Variants in CPQ observed in about 807,000 individuals in gnomAD.
CPQ encodes the protein carboxypeptidase Q.
Under a neutral mutation model 45.7 loss-of-function variants are expected in CPQ, and 37 were observed. The ratio of observed to expected loss-of-function variants is 0.81; its 90% CI spans 0.62 to 1.07. The LOEUF is 1.07. Ranked by LOEUF, CPQ falls within the 50% of genes least tolerant of loss-of-function variation. The probability of loss-of-function intolerance (pLI) is 0.00; values close to 1 mark genes in which losing one functional copy is unlikely to be tolerated. For missense variants in CPQ, 537 were observed against 572.9 expected (o/e 0.94, Z 0.64); for synonymous variants, 186 against 205.8 (o/e 0.90, Z 0.82).
intron 1 of CPQ, among the ~76,000 whole-genome samples, chr8:96,683,864 G>C (rs1809187582): frequency 6.7e-6 from 1 of 149,650 alleles, no homozygotes; most frequent in African/African-American, 2.5e-5. Flanking sequence ...TTCATTTATT[G>C]AATTCATCAG....
chr8:96,907,419 A>ATTCAC (rs1812593408), intron 4 of CPQ, among the ~76,000 whole-genome samples: 1 of 152,156 alleles, frequency 6.6e-6, no homozygotes, highest in Non-Finnish European at 1.5e-5. Flanking sequence ...TAGTGAGCTT[A>ATTCAC]AAAACACCAG....
At chr8:96,837,877 G>A (rs1432917827) in intron 3 of CPQ, among the ~76,000 whole-genome samples, 1 of 151,876 alleles carries the variant, frequency 6.6e-6, no homozygotes, top group East Asian at 1.9e-4. Context: ...AGTCTCTTAG[G>A]TTCTGCTCCT....
chr8:96,782,668 A>G (rs1810704217), intron 1 of CPQ, among the ~76,000 whole-genome samples: 1 of 152,060 alleles, frequency 6.6e-6, no homozygotes, highest in African/African-American at 2.4e-5. Context: ...CAGGCTGTGA[A>G]TTTTCATAAT....
chr8:96,954,349 A>G lies in CPQ; in HGVS notation c.850-11586A>G, dbSNP rs190701365. The stretch of plus-strand genomic sequence containing the variant: ...TTTAACTGATTTAATGTATGATAAT[A>G]TAATCTAATGACAAGTCAAAATAAT... On this transcript the variant is annotated intron_variant, in intron 4 of 7. Transcript: ENST00000220763. Among the ~76,000 whole-genome samples, 747 of 152,286 alleles carry G rather than the reference A, an allele frequency of 4.9e-3. 5 individuals are homozygous for G. Among genetic ancestry groups the G allele is most frequent in the Middle Eastern group, 6.8e-3 (2 of 294 alleles).
At chr8:96,933,707 TG>T (rs1458482761) in intron 4 of CPQ, among the ~76,000 whole-genome samples, 2 of 152,166 alleles carry the variant, frequency 1.3e-5, no homozygotes, top group African/African-American at 4.8e-5. Context: ...ATACCCATGT[TG>T]CAAGATGGAG....
chr8:96,978,261 A>G (rs965917068), intron 5 of CPQ, among the ~76,000 whole-genome samples: 1 of 152,180 alleles, frequency 6.6e-6, no homozygotes, highest in African/African-American at 2.4e-5. Context: ...CAACAACCTT[A>G]TGTCTCATCA....
chr8:96,795,829 C>T (rs575395663), intron 2 of CPQ, among the ~76,000 whole-genome samples: 9 of 152,014 alleles, frequency 5.9e-5, no homozygotes, highest in African/African-American at 2.2e-4. Flanking sequence ...AAGGAGGAAT[C>T]ATTGGTATAT....
chr8:96,926,570 C>CTTCTTCTTCTTCTTCTTCT (rs1563530774), intron 4 of CPQ, among the ~76,000 whole-genome samples: 1 of 46,684 alleles, frequency 2.1e-5, no homozygotes, highest in African/African-American at 1.8e-4. Flanking sequence ...CTTCCTCTTC[C>CTTCTTCTTCTTCTTCTTCT]TCTTCCTCTT....
At chr8:96,775,771 T>C (rs903551290) in intron 1 of CPQ, among the ~76,000 whole-genome samples, 1 of 152,218 alleles carries the variant, frequency 6.6e-6, no homozygotes, top group Non-Finnish European at 1.5e-5. Flanking sequence ...CATAGCTGTC[T>C]GTCTAGTGTC....
chr8:97,009,466 G>C lies in CPQ; in HGVS notation c.962-19937G>C, dbSNP rs1377125639. ...AGCTGCTCCAAATGGGGCAGCATTG[G>C]CAGGAGGTGCAGGAACTGATAGAAT... On this transcript the variant is annotated intron_variant, in intron 5 of 7. Coordinates refer to ENST00000220763, the MANE Select transcript of CPQ (RefSeq NM_016134.4). Among the ~76,000 whole-genome samples, 4 of 152,282 alleles carry C rather than the reference G, an allele frequency of 2.6e-5. No individual in the cohort carries two copies. In the East Asian group the frequency reaches 7.7e-4, roughly 29 times the overall value.
chr8:96,777,760 A>ATTTTTTTT (rs1163639654), intron 1 of CPQ, among the ~76,000 whole-genome samples: 1 of 14,058 alleles, frequency 7.1e-5, no homozygotes, highest in African/African-American at 3.3e-4. Flanking sequence ...ATATATATAT[A>ATTTTTTTT]TTTTTTTTTT....
intron 1 of CPQ, among the ~76,000 whole-genome samples, chr8:96,695,699 A>G (rs934475174): frequency 6.6e-6 from 1 of 151,852 alleles, no homozygotes; most frequent in Non-Finnish European, 1.5e-5. Flanking sequence ...AATGCTCATC[A>G]TCACTGGCCA....
At chr8:97,047,653 C>G (rs1315146730) in intron 6 of CPQ, among the ~76,000 whole-genome samples, 1 of 152,018 alleles carries the variant, frequency 6.6e-6, no homozygotes, top group African/African-American at 2.4e-5. Context: ...AAAAAATAAC[C>G]AACAACACTT....
intron 7 of CPQ, among the ~76,000 whole-genome samples, chr8:97,102,630 C>T (rs1027539569): frequency 6.6e-6 from 1 of 152,052 alleles, no homozygotes; most frequent in Admixed American, 6.6e-5. Flanking sequence ...ATCTACATGT[C>T]AGTAAAATGA....
chr8:96,998,341 A>T (rs1384493649), intron 5 of CPQ, among the ~76,000 whole-genome samples: 1 of 151,986 alleles, frequency 6.6e-6, no homozygotes, highest in Non-Finnish European at 1.5e-5. Context: ...CTAGAAAAAA[A>T]TCTAAATAAA....
intron 4 of CPQ, among the ~76,000 whole-genome samples, chr8:96,924,194 C>T (rs1234787407): frequency 6.6e-6 from 1 of 152,148 alleles, no homozygotes; most frequent in Non-Finnish European, 1.5e-5. Flanking sequence ...GTGGTGATTC[C>T]ATAGCATCTG....
intron 4 of CPQ, among the ~76,000 whole-genome samples, chr8:96,899,049 T>C (rs1481525401): frequency 6.6e-6 from 1 of 152,098 alleles, no homozygotes; most frequent in Non-Finnish European, 1.5e-5. Context: ...ATAAATGAGA[T>C]GTCCAGGAGG....
intron 7 of CPQ, among the ~76,000 whole-genome samples, chr8:97,100,275 A>G (rs1353970003): frequency 6.6e-6 from 1 of 152,242 alleles, no homozygotes; most frequent in Non-Finnish European, 1.5e-5. Flanking sequence ...ACCAAGTATT[A>G]AAACTGTAAG....
At chr8:97,129,503 T>A (rs1218326524) in intron 7 of CPQ, among the ~76,000 whole-genome samples, 2 of 152,170 alleles carry the variant, frequency 1.3e-5, no homozygotes, top group Admixed American at 1.3e-4. Context: ...AAGTACTTAG[T>A]AAATCCTGGC....
Sources: allele counts gnomAD v4.1 joint callset (sites outside exome capture counted in the v4.1 genomes callset), GRCh38; gene constraint gnomAD v4.1.1; transcripts MANE v1.5; gene names NCBI Gene and HGNC (gene_info 2026-07-23, HGNC 2026-07-21).